Variants in RBPJ observed in about 807,000 individuals in gnomAD.
RBPJ encodes recombining binding protein suppressor of hairless.
In RBPJ, 9 loss-of-function variants were observed where a neutral mutation model predicts 67.8. The observed-to-expected ratio is 0.13, with a 90% CI of 0.08 to 0.23. RBPJ has a LOEUF of 0.23. Among genes scored for constraint, RBPJ ranks in the 10% least tolerant of loss-of-function variants. The pLI, the probability that RBPJ is intolerant of heterozygous loss-of-function variation, is 1.00. For missense variants in RBPJ, 305 were observed against 595.6 expected (o/e 0.51, Z 5.08); for synonymous variants, 198 against 203.3 (o/e 0.97, Z 0.22).
intron 1 of RBPJ, among the ~76,000 whole-genome samples, chr4:26,305,942 G>C (rs1722224068): frequency 6.6e-6 from 1 of 151,228 alleles, no homozygotes; most frequent in Non-Finnish European, 1.5e-5. Context: ...ACTGCCCTTG[G>C]CTAATTTTTT....
rs535125790 is a variant in RBPJ, at chr4:26,422,792, T to A, written c.497-1550T>A. The stretch of plus-strand genomic sequence containing the variant: ...CAGTGATCTTAACATTCAACCAATC[T>A]TATCTTCATCTATACCTGTACTCCA... On this transcript the variant is annotated intron_variant, in intron 5 of 10. Coordinates refer to ENST00000355476, the MANE Select transcript of RBPJ (RefSeq NM_015874.6). 3.3e-4 allele frequency among the ~76,000 whole-genome samples: 51 copies of A among 152,308 alleles called. No homozygotes were observed. The South Asian group carries it at 3.9e-3, about 12-fold the overall frequency.
rs1034863544 is a variant in RBPJ at position 26,430,541 on chromosome 4, T to G, written c.1148+19T>G. On this transcript the variant is annotated intron_variant, in intron 10 of 10. Transcript: ENST00000355476. This position sits in a 1 kb window ranked among gnomAD's most constrained non-coding sequence, Gnocchi z 4.1. ...TGTACAGGTACTTGATAAAACTTTT[T>G]GCATCATCCAGAGGTTGTGAGGGGT... 3.2e-6 allele frequency: 5 copies of G among 1,578,774 alleles called. No individual in the cohort carries two copies. The African/African-American group carries it at 4.1e-5, about 13-fold the overall frequency.
intron 1 of RBPJ, among the ~76,000 whole-genome samples, chr4:26,280,369 C>G (rs1721230065): frequency 6.9e-6 from 1 of 145,010 alleles, no homozygotes; most frequent in Non-Finnish European, 1.5e-5. Flanking sequence ...GCACTCCAGC[C>G]TGGGTGACAG....
the RBPJ span, among the ~76,000 whole-genome samples, chr4:26,123,590 A>G: frequency 2.0e-5 from 3 of 152,206 alleles, no homozygotes; most frequent in African/African-American, 7.2e-5. Context: ...TAATGTTTAA[A>G]AAACTTTTTG....
chr4:26,380,083 T>C (rs1040294079), intron 1 of RBPJ, among the ~76,000 whole-genome samples: 1 of 152,164 alleles, frequency 6.6e-6, no homozygotes, highest in African/African-American at 2.4e-5. Context: ...AAGGCTGACA[T>C]AGTGTCTTAT....
intron 1 of RBPJ, among the ~76,000 whole-genome samples, chr4:26,361,556 G>T (rs776863232): frequency 2.0e-5 from 3 of 151,812 alleles, no homozygotes; most frequent in Non-Finnish European, 4.4e-5. Context: ...TTTCATCTAC[G>T]TCTTTCCTAG....
chr4:26,186,742 A>G (rs1238053585), intron 1 of RBPJ, among the ~76,000 whole-genome samples: 1 of 152,240 alleles, frequency 6.6e-6, no homozygotes. Flanking sequence ...ACTTCTTTAT[A>G]CATTTCTAAT....
intron 2 of RBPJ, among the ~76,000 whole-genome samples, chr4:26,389,424 G>A (rs781226275): frequency 3.3e-5 from 5 of 151,170 alleles, no homozygotes; most frequent in Non-Finnish European, 5.9e-5. Flanking sequence ...GCTTTGAAGT[G>A]CTCAAGGGGG....
intron 1 of RBPJ, among the ~76,000 whole-genome samples, chr4:26,191,060 G>T (rs1717472092): frequency 7.0e-6 from 1 of 142,950 alleles, no homozygotes; most frequent in African/African-American, 2.6e-5. Context: ...GCTGAGGTGG[G>T]ATGATCACAT....
chr4:26,119,830 G>A, the RBPJ span, among the ~76,000 whole-genome samples: 24 of 152,336 alleles, frequency 1.6e-4, no homozygotes, highest in African/African-American at 5.5e-4. Flanking sequence ...GTGGCCTGAG[G>A]CCTTAAAATG....
chr4:26,208,645 T>C (rs573944102), intron 1 of RBPJ, among the ~76,000 whole-genome samples: 1 of 152,262 alleles, frequency 6.6e-6, no homozygotes, highest in Non-Finnish European at 1.5e-5. Flanking sequence ...ATTGCTCCTT[T>C]GAATTAACAG....
intron 1 of RBPJ, among the ~76,000 whole-genome samples, chr4:26,244,694 C>T (rs1719868452): frequency 6.6e-6 from 1 of 152,042 alleles, no homozygotes; most frequent in Admixed American, 6.6e-5. Context: ...GTGGAGCAAT[C>T]TCAGCTTGCT....
At chr4:26,157,090 C>CAAAAAAAA in the RBPJ span, among the ~76,000 whole-genome samples, 14 of 41,756 alleles carry the variant, frequency 3.4e-4, 1 homozygote, top group Admixed American at 4.4e-4. Flanking sequence ...AACAAACAAA[C>CAAAAAAAA]AAACAAACAA....
At chr4:26,211,031 GCACAGGTGTATAGAC>G in intron 1 of RBPJ, among the ~76,000 whole-genome samples, 1 of 152,136 alleles carries the variant, frequency 6.6e-6, no homozygotes, top group East Asian at 1.9e-4. Context: ...GCTGTGCAGA[GCACAGGTGTATAGAC>G]TCCCATAACT....
intron 1 of RBPJ, among the ~76,000 whole-genome samples, chr4:26,366,412 A>G (rs1237903304): frequency 6.6e-6 from 1 of 151,818 alleles, no homozygotes; most frequent in Admixed American, 6.6e-5. Flanking sequence ...TGGTAAATAT[A>G]TATGTGTATT....
intron 1 of RBPJ, among the ~76,000 whole-genome samples, chr4:26,355,894 TG>T (rs1394184103): frequency 1.3e-5 from 2 of 152,170 alleles, no homozygotes; most frequent in Non-Finnish European, 2.9e-5. Context: ...GGGATTCCAG[TG>T]AAAGCTTCAG....
intron 1 of RBPJ, among the ~76,000 whole-genome samples, chr4:26,191,928 G>A (rs1484952167): frequency 1.3e-5 from 2 of 152,128 alleles, no homozygotes; most frequent in Non-Finnish European, 2.9e-5. Context: ...GCCTTTCTAG[G>A]GATACCAATC....
At chr4:26,398,793 T>A (rs1483684270) in intron 2 of RBPJ, among the ~76,000 whole-genome samples, 3 of 152,064 alleles carry the variant, frequency 2.0e-5, no homozygotes. Flanking sequence ...TTTGTATTTT[T>A]AGTAGAGATG....
chr4:26,320,433 C>T, upstream of RBPJ: 1 of 356,568 alleles, frequency 2.8e-6, no homozygotes, highest in Non-Finnish European at 5.1e-6. Context: ...GTGTCACTTG[C>T]CCGAACCCCA....
Sources: allele counts gnomAD v4.1 joint callset (sites outside exome capture counted in the v4.1 genomes callset), GRCh38; gene constraint gnomAD v4.1.1; non-coding constraint Gnocchi (gnomAD v3.1); transcripts MANE v1.5; gene names NCBI Gene and HGNC (gene_info 2026-07-23, HGNC 2026-07-21).